Variants in MATR3 observed in about 807,000 individuals in gnomAD.
MATR3 encodes matrin 3, also known as matrin-3.
MATR3 carries 4 observed loss-of-function variants against 85.5 expected under a neutral mutation model. The ratio of observed to expected loss-of-function variants is 0.05; its 90% confidence interval spans 0.02 to 0.11. MATR3 has a LOEUF of 0.11. MATR3 is among the 10% of genes least tolerant of loss of function. The pLI is 1.00. For missense variants in MATR3, 685 were observed against 1,016.1 expected (o/e 0.67, Z 4.43); for synonymous variants, 336 against 343.1 (o/e 0.98, Z 0.23).
At chr5:139,286,143 A>C (rs551734619) in intron 3 of MATR3, among the ~76,000 whole-genome samples, 12 of 152,118 alleles carry the variant, frequency 7.9e-5, no homozygotes, top group Non-Finnish European at 1.6e-4. Context: ...ACCTGACCCC[A>C]TCCTCTTGCC....
chr5:139,328,357 A>G (rs1014608334), intron 14 of MATR3, among the ~76,000 whole-genome samples: 1 of 152,146 alleles, frequency 6.6e-6, no homozygotes, highest in Non-Finnish European at 1.5e-5. Context: ...TTAACTATAT[A>G]AAGTTGAAAT....
intron 1 of MATR3, 49 bp downstream of exon 1, chr5:139,293,854 C>A: frequency 1.8e-6 from 1 of 565,406 alleles, no homozygotes; most frequent in South Asian, 8.5e-5. Flanking sequence ...GGGGGTTCTC[C>A]GTGTCCGCCG....
chr5:139,301,966 A>C (rs1202813115), intron 1 of MATR3, among the ~76,000 whole-genome samples: 1 of 152,230 alleles, frequency 6.6e-6, no homozygotes, highest in African/African-American at 2.4e-5. Flanking sequence ...CCTAAGGATC[A>C]AGAAGTGGAC....
At chr5:139,324,433 G>A (rs1419037777) in intron 12 of MATR3, among the ~76,000 whole-genome samples, 1 of 151,700 alleles carries the variant, frequency 6.6e-6, no homozygotes, top group Non-Finnish European at 1.5e-5. Context: ...TGGGATTACA[G>A]GTGTCCACCA....
intron 14 of MATR3, among the ~76,000 whole-genome samples, chr5:139,327,183 C>T (rs776104333): frequency 6.6e-6 from 1 of 152,084 alleles, no homozygotes; most frequent in Non-Finnish European, 1.5e-5. Context: ...GTTTTTCACA[C>T]TGCTTTATAA....
Position 139,325,533 on chromosome 5 carries a change from T to C in MATR3, c.2242T>C (p.Ser748Pro), listed in dbSNP as rs772562504. 9 of 1,614,186 alleles carry C rather than the reference T, an allele frequency of 5.6e-6. No homozygotes were observed. The highest frequency in any genetic ancestry group is 1.6e-4 in the Middle Eastern group (1 of 6,062). The change falls in exon 13 of 15, where the codon TCT (serine) becomes CCT (proline). Residue 748 changes from serine to proline, a missense_variant. This residue lies in a region of MATR3 where 215 missense variants were observed against 194.7 expected (regional missense o/e 1.10). Transcript: ENST00000394805. Reference protein sequence around the residue: ...EENTEPGAESSENADDPNKDT... With the variant: ...EENTEPGAESPENADDPNKDT... Reference sequence around the variant, plus strand: ...AAACACAGAACCAGGTGCTGAATCTTCTGAGAACGCTGATGATCCCAACAA... The same window carrying C: ...AAACACAGAACCAGGTGCTGAATCTCCTGAGAACGCTGATGATCCCAACAA...
chr5:139,326,422 CTTTT>C (rs34218388), intron 14 of MATR3, 138 bp downstream of exon 14: 30 of 537,808 alleles, frequency 5.6e-5, no homozygotes, highest in Non-Finnish European at 8.7e-5. Flanking sequence ...TTTTTATTTA[CTTTT>C]TTTTTTTTTT....
At chr5:139,298,148 T>C (rs1425625560) in intron 1 of MATR3, among the ~76,000 whole-genome samples, 1 of 152,228 alleles carries the variant, frequency 6.6e-6, no homozygotes, top group Admixed American at 6.5e-5. Flanking sequence ...TTTTCCTCCT[T>C]TGTGAGGATT....
intron 1 of MATR3, among the ~76,000 whole-genome samples, chr5:139,306,035 C>G (rs750214494): frequency 2.6e-5 from 4 of 152,024 alleles, no homozygotes; most frequent in Admixed American, 6.5e-5. Flanking sequence ...TATTGGTGAT[C>G]AAAAAATAGA....
intron 3 of MATR3, 158 bp downstream of exon 3, chr5:139,314,894 C>T: frequency 1.5e-6 from 1 of 655,438 alleles, no homozygotes; most frequent in East Asian, 3.0e-5. Context: ...ATGTTTAGAT[C>T]TGGAAATTTC....
intron 1 of MATR3, among the ~76,000 whole-genome samples, chr5:139,275,146 T>TTA (rs1753223916): frequency 9.1e-6 from 1 of 109,818 alleles, no homozygotes; most frequent in African/African-American, 3.5e-5. Context: ...CGGCTAATTT[T>TTA]TTTTTTTTTT....
At chr5:139,286,110 C>T (rs760474495) in intron 3 of MATR3, among the ~76,000 whole-genome samples, 22 of 152,056 alleles carry the variant, frequency 1.4e-4, no homozygotes, top group Admixed American at 4.6e-4. Context: ...CATATATAAC[C>T]TTTTCAAAAA....
chr5:139,301,290 G>A (rs1466735502), intron 1 of MATR3, among the ~76,000 whole-genome samples: 1 of 152,104 alleles, frequency 6.6e-6, no homozygotes, highest in African/African-American at 2.4e-5. Flanking sequence ...TGGAAGTCAA[G>A]AGAATAGGGC....
chr5:139,315,816 AAAC>A (rs1254448750), intron 4 of MATR3, 78 bp downstream of exon 4: 29 of 1,200,562 alleles, frequency 2.4e-5, no homozygotes, highest in Non-Finnish European at 3.3e-5. Context: ...AACATTTCAT[AAAC>A]AAAGTATTTT....
intron 12 of MATR3, among the ~76,000 whole-genome samples, chr5:139,325,141 C>T (rs1261060440): frequency 2.0e-5 from 3 of 151,660 alleles, no homozygotes; most frequent in East Asian, 1.9e-4. Context: ...TGCAGTGAGC[C>T]GAGATCGCGC....
chr5:139,298,523 C>A (rs1015254527), intron 1 of MATR3, among the ~76,000 whole-genome samples: 1 of 152,108 alleles, frequency 6.6e-6, no homozygotes, highest in East Asian at 1.9e-4. Context: ...GAGGCGAGAT[C>A]GTGCCACTGC....
intron 1 of MATR3, among the ~76,000 whole-genome samples, chr5:139,303,402 A>G (rs554774176): frequency 6.6e-6 from 1 of 152,322 alleles, no homozygotes; most frequent in East Asian, 1.9e-4. Flanking sequence ...GCCCTGCCAG[A>G]GAAAAATTAT....
At chr5:139,321,675 T>TG in intron 9 of MATR3, 1 of 553,068 alleles carries the variant, frequency 1.8e-6, no homozygotes, top group Non-Finnish European at 3.2e-6. Context: ...ACCTAGCTAC[T>TG]GGGGGGCTAA....
In MATR3 at chr5:139,307,484, G is replaced by T. The variant is rs750693851; in HGVS notation, c.69G>T (p.Ala23=). The stretch of plus-strand genomic sequence containing the variant: ...AGGGTCATGGGCGTGACCTGTCTGC[G>T]GCAGGAATAGGCCTTCTTGCTGCTG... ...DSQGHGRDLS[A]AGIGLLAAAT... is the part of the protein sequence containing the mutation. The change falls in exon 2 of 15, where the codon GCG becomes GCT. Residue 23 remains alanine (A), a synonymous_variant. Coordinates refer to ENST00000394805, the MANE Select transcript of MATR3 (RefSeq NM_018834.6). This position sits in a 1 kb window ranked among gnomAD's most constrained non-coding sequence, Gnocchi z 4.4. 6.2e-7 allele frequency: 1 copy of T among 1,613,814 alleles called. No individual in the cohort carries two copies. The highest frequency in any genetic ancestry group is 1.3e-5 in the African/African-American group (1 of 74,858).
Sources: allele counts gnomAD v4.1 joint callset (sites outside exome capture counted in the v4.1 genomes callset), GRCh38; gene constraint gnomAD v4.1.1; regional missense constraint gnomAD v4.1.1; non-coding constraint Gnocchi (gnomAD v3.1); transcripts MANE v1.5; gene names NCBI Gene and HGNC (gene_info 2026-07-23, HGNC 2026-07-21).